MSI2: variants seen among roughly 807,000 people sequenced by gnomAD.
MSI2 encodes RNA-binding protein Musashi homolog 2.
A neutral mutation model predicts 45.6 loss-of-function variants in MSI2; 17 were observed. The ratio of observed to expected loss-of-function variants is 0.37; its 90% confidence interval spans 0.26 to 0.56. The LOEUF (loss-of-function observed/expected upper bound fraction) is 0.56. Among genes scored for constraint, MSI2 ranks in the 20% least tolerant of loss-of-function variants. The pLI is 0.77. For missense variants in MSI2, 293 were observed against 444.2 expected, an observed-to-expected ratio of 0.66 and a Z score of 3.06; for synonymous variants, 156 against 158.2, an observed-to-expected ratio of 0.99 and a Z score of 0.11.
At chr17:57,664,256 C>T (rs1035246739) in intron 11 of MSI2, among the ~76,000 whole-genome samples, 4 of 152,220 alleles carry the variant, frequency 2.6e-5, no homozygotes, top group Non-Finnish European at 2.9e-5. Flanking sequence ...CGGTGACTCA[C>T]GCCTGTAATC....
At chr17:57,513,497 CTGTT>C (rs1437963066) in intron 6 of MSI2, among the ~76,000 whole-genome samples, 1 of 152,186 alleles carries the variant, frequency 6.6e-6, no homozygotes, top group Non-Finnish European at 1.5e-5. Flanking sequence ...CTAGCAGGCA[CTGTT>C]TGTGGACACA....
At chr17:57,256,471 G>C, upstream of MSI2, 1 of 237,660 alleles carries the variant, frequency 4.2e-6, no homozygotes, top group Non-Finnish European at 8.0e-6. Context: ...TGGGGGTGGG[G>C]AGGAGGAGGG....
At chr17:57,349,671 C>T (rs1260082303) in intron 5 of MSI2, among the ~76,000 whole-genome samples, 1 of 152,194 alleles carries the variant, frequency 6.6e-6, no homozygotes, top group Non-Finnish European at 1.5e-5. Context: ...ATGAACAGAT[C>T]ACCTTTTATC....
Position 57,683,696 on chromosome 17 carries a change from A to G in MSI2, c.*4179A>G, listed in dbSNP as rs1362034782. On this transcript the variant is annotated 3_prime_UTR_variant, in exon 14 of 14. Coordinates refer to ENST00000284073, the MANE Select transcript of MSI2 (RefSeq NM_138962.4). This position sits in a 1 kb window ranked among gnomAD's most constrained non-coding sequence, Gnocchi z 5.2. ...GGAGATTTTTTTTTTTTTTTCTTGA[A>G]TGTGCTTCGCAAGCCAGGCTATCTT... 1.3e-5 allele frequency: 3 copies of G among 225,468 alleles called. No homozygotes were observed. Among genetic ancestry groups the G allele is most frequent in the East Asian group, 6.3e-5 (1 of 15,926 alleles). 14.0% of individuals were successfully genotyped at this position (225,468 alleles called of 1,614,324 possible). A position where few individuals can be genotyped will look rare whatever the true frequency, so the allele number is the denominator to read the frequency against.
chr17:57,676,617 T>G (rs1336253414), intron 12 of MSI2, among the ~76,000 whole-genome samples: 1 of 152,198 alleles, frequency 6.6e-6, no homozygotes, highest in Non-Finnish European at 1.5e-5. Context: ...TGCACTGGGA[T>G]TTCTTCTCCC....
At chr17:57,605,645 A>G (rs1038896318) in intron 8 of MSI2, among the ~76,000 whole-genome samples, 1 of 152,248 alleles carries the variant, frequency 6.6e-6, no homozygotes. Context: ...ATGCAGCTGC[A>G]GAGACCAAGC....
chr17:57,421,160 C>T (rs9903459), intron 6 of MSI2, among the ~76,000 whole-genome samples: 4,976 of 151,932 alleles, frequency 0.033, 256 homozygotes, highest in African/African-American at 0.11. Flanking sequence ...TTTATGATGT[C>T]GGTGGAGCTG....
At chr17:57,564,488 G>A (rs76376019) in intron 7 of MSI2, among the ~76,000 whole-genome samples, 2 of 152,172 alleles carry the variant, frequency 1.3e-5, no homozygotes, top group African/African-American at 4.8e-5. Context: ...GTAAGCACAC[G>A]AGGTTGGGGT....
rs757354893 is a variant in MSI2, at chr17:57,652,189, C to A, written c.790+28C>A. The A allele has an allele frequency of 6.2e-7, 1 of 1,606,266 alleles. No homozygotes were observed. Among genetic ancestry groups the A allele is most frequent in the Non-Finnish European group, 8.5e-7 (1 of 1,173,210 alleles). On this transcript the variant is annotated intron_variant, in intron 11 of 13. Transcript: ENST00000284073. The surrounding 1 kb of genome is among the most constrained non-coding windows in gnomAD (Gnocchi z 4.1). ...AGGAAGGTGTATGGGACAGGCGACT[C>A]CCAGGCATGCCCCCAGTGTGCAGGG... is the stretch of plus-strand genomic sequence containing the variant.
At chr17:57,538,402 T>C (rs2086968893) in intron 7 of MSI2, among the ~76,000 whole-genome samples, 2 of 152,350 alleles carry the variant, frequency 1.3e-5, no homozygotes, top group South Asian at 4.1e-4. Flanking sequence ...CAGCATGGTA[T>C]GCTGCAAAGA....
intron 8 of MSI2, 108 bp from the exon 9 acceptor site, chr17:57,615,862 G>A (rs1907636315): frequency 2.5e-6 from 2 of 815,746 alleles, no homozygotes; most frequent in African/African-American, 1.7e-5. Flanking sequence ...TTTACAGTGG[G>A]TAAGGAGCAA....
intron 9 of MSI2, among the ~76,000 whole-genome samples, chr17:57,621,620 A>T (rs900579487): frequency 1.3e-5 from 2 of 152,256 alleles, no homozygotes; most frequent in Non-Finnish European, 2.9e-5. Flanking sequence ...ATTTTTAAAT[A>T]TCATTTAAGA....
intron 6 of MSI2, among the ~76,000 whole-genome samples, chr17:57,521,667 T>C (rs1251217712): frequency 6.6e-6 from 1 of 152,162 alleles, no homozygotes; most frequent in Non-Finnish European, 1.5e-5. Context: ...CACACACATA[T>C]GCTGTGTTAC....
intron 5 of MSI2, among the ~76,000 whole-genome samples, chr17:57,305,268 A>G (rs570944664): frequency 8.9e-4 from 136 of 152,274 alleles, no homozygotes; most frequent in African/African-American, 3.0e-3. Context: ...ACTGACCGGC[A>G]TGGGTGAACC....
chr17:57,539,018 T>A (rs1255263958), intron 7 of MSI2, among the ~76,000 whole-genome samples: 1 of 152,180 alleles, frequency 6.6e-6, no homozygotes, highest in Non-Finnish European at 1.5e-5. Context: ...TACTAAACAC[T>A]CAAATATGTT....
intron 7 of MSI2, among the ~76,000 whole-genome samples, chr17:57,567,167 C>G (rs2087755061): frequency 6.6e-6 from 1 of 152,168 alleles, no homozygotes; most frequent in Admixed American, 6.5e-5. Flanking sequence ...TTGCTATCAA[C>G]CAGTTGGAAT....
chr17:57,481,107 C>T (rs2085638934), intron 6 of MSI2, among the ~76,000 whole-genome samples: 1 of 152,190 alleles, frequency 6.6e-6, no homozygotes. Context: ...TTAGTAATCT[C>T]CCCAGGCTGT....
chr17:57,526,445 G>A (rs1034895667), intron 6 of MSI2, among the ~76,000 whole-genome samples: 2 of 151,402 alleles, frequency 1.3e-5, no homozygotes, highest in African/African-American at 2.4e-5. Flanking sequence ...GACAGAGACC[G>A]AGAGAGTTAT....
chr17:57,547,789 C>T lies in MSI2; in HGVS notation c.454+18065C>T, dbSNP rs72833084. ...ACACACACACACACACACACACACA[C>T]GTCTCTGGAGAATTAACATAACCTA... On this transcript the variant is annotated intron_variant, in intron 7 of 13. Transcript: ENST00000284073. 2.1e-3 allele frequency among the ~76,000 whole-genome samples: 308 copies of T among 145,174 alleles called. 1 individual carries two copies. Among genetic ancestry groups the T allele is most frequent in the Middle Eastern group, 3.6e-3 (1 of 274 alleles).
Sources: gnomAD v4.1 joint callset for allele counts (sites outside exome capture counted in the v4.1 genomes callset) on GRCh38, gnomAD v4.1.1 for gene constraint, Gnocchi (gnomAD v3.1) non-coding constraint, MANE v1.5 for transcripts, NCBI Gene and HGNC (gene_info 2026-07-23, HGNC 2026-07-21) for gene names.